NDC80: variants seen among roughly 807,000 people sequenced by gnomAD.
NDC80 encodes the protein kinetochore protein NDC80 homolog.
NDC80 carries 69 observed loss-of-function variants against 89.3 expected under a neutral mutation model. The observed-to-expected ratio is 0.77, with a 90% CI of 0.64 to 0.94. The LOEUF (loss-of-function observed/expected upper bound fraction) is 0.94, where lower values mean the gene tolerates loss of function less well. NDC80 is among the 40% of genes least tolerant of loss of function. The pLI, the probability that NDC80 is intolerant of heterozygous loss-of-function variation, is 0.00. For synonymous variants in NDC80, 243 were observed against 255.6 expected (o/e 0.95, Z 0.47); for missense variants, 593 against 739.6 (o/e 0.80, Z 2.30).
intron 13 of NDC80, among the ~76,000 whole-genome samples, chr18:2,605,636 T>C (rs2143663901): frequency 6.6e-6 from 1 of 152,296 alleles, no homozygotes; most frequent in Middle Eastern, 3.4e-3. Context: ...GTCACTACCC[T>C]GTGTTTTGTA....
chr18:2,607,998 T>TATATATA (rs771183596), intron 14 of NDC80, among the ~76,000 whole-genome samples: 2 of 126,932 alleles, frequency 1.6e-5, no homozygotes, highest in Non-Finnish European at 3.4e-5. Context: ...TATATATATA[T>TATATATA]AACTTATTTA....
intron 13 of NDC80, among the ~76,000 whole-genome samples, chr18:2,602,292 A>G (rs2072687766): frequency 6.6e-6 from 1 of 152,180 alleles, no homozygotes; most frequent in African/African-American, 2.4e-5. Context: ...CCACAGAAAG[A>G]CATTTTTCCA....
At chr18:2,583,391 C>T (rs2072588131) in intron 6 of NDC80, among the ~76,000 whole-genome samples, 1 of 152,136 alleles carries the variant, frequency 6.6e-6, no homozygotes, top group Non-Finnish European at 1.5e-5. Flanking sequence ...CCCTACATGT[C>T]TTTCAGACAT....
At chr18:2,585,763 G>A (rs1416251749) in intron 7 of NDC80, among the ~76,000 whole-genome samples, 1 of 151,908 alleles carries the variant, frequency 6.6e-6, no homozygotes, top group Non-Finnish European at 1.5e-5. Context: ...TTTTAACTAA[G>A]TAAAAAATGG....
intron 10 of NDC80, chr18:2,594,907 A>G (rs2072646737): frequency 6.6e-6 from 1 of 152,186 alleles, no homozygotes; most frequent in Non-Finnish European, 1.5e-5. Flanking sequence ...TGAGTTTCAA[A>G]TGTCATATTC....
At chr18:2,579,059 C>A in intron 6 of NDC80, 30 bp downstream of exon 6, 1 of 1,348,228 alleles carries the variant, frequency 7.4e-7, no homozygotes, top group South Asian at 1.5e-5. Flanking sequence ...GAAATGTATA[C>A]ATGGGAAAGG....
At chr18:2,606,364 A>G (rs1568010841) in intron 13 of NDC80, 51 bp from the exon 14 acceptor site, 2 of 1,230,140 alleles carry the variant, frequency 1.6e-6, no homozygotes, top group Non-Finnish European at 2.3e-6. Flanking sequence ...ACTTGTTAAA[A>G]TATCTTTGAT....
chr18:2,597,032 G>A (rs985833036), intron 11 of NDC80, among the ~76,000 whole-genome samples: 1 of 152,052 alleles, frequency 6.6e-6, no homozygotes, highest in Non-Finnish European at 1.5e-5. Context: ...GTTGTGGGGT[G>A]GGGGAGAGGG....
intron 16 of NDC80, among the ~76,000 whole-genome samples, chr18:2,611,351 C>T (rs1406463145): frequency 6.6e-6 from 1 of 152,100 alleles, no homozygotes; most frequent in Non-Finnish European, 1.5e-5. Flanking sequence ...ACCCAGCCCA[C>T]TTGTGCATTT....
At chr18:2,603,404 A>C (rs945639062) in intron 13 of NDC80, among the ~76,000 whole-genome samples, 9 of 126,976 alleles carry the variant, frequency 7.1e-5, no homozygotes, top group Admixed American at 5.4e-4. Flanking sequence ...ATATAAGCCA[A>C]AGTAGGGAAA....
intron 13 of NDC80, among the ~76,000 whole-genome samples, chr18:2,605,957 G>T (rs2072709252): frequency 6.6e-6 from 1 of 151,908 alleles, no homozygotes; most frequent in African/African-American, 2.4e-5. Context: ...CTTTTTGAAG[G>T]AATGCATGAC....
rs758558482 is a variant in NDC80 at position 2,585,117 on chromosome 18, A to G, written c.584A>G (p.His195Arg). 2 of 1,612,602 alleles carry G rather than the reference A, an allele frequency of 1.2e-6. No individual in the cohort carries two copies. Among genetic ancestry groups the G allele is most frequent in the Admixed American group, 3.3e-5 (2 of 59,988 alleles). ...LVWLIDCIKI[H>R]TAMKESSPLF... ...TCTTGCTTGTGTACTAATTAGATAC[A>G]TACTGCCATGAAAGAAAGCTCACCT... is the stretch of plus-strand genomic sequence containing the variant. The change falls in exon 7 of 17, where the codon CAT becomes CGT. Residue 195 changes from histidine (H) to arginine (R), a missense_variant. His to Arg is a conservative substitution (Grantham distance 29). Coordinates refer to ENST00000261597, the MANE Select transcript of NDC80 (RefSeq NM_006101.3).
Position 2,610,739 on chromosome 18 carries a change from C to A in NDC80, c.1689-20C>A. The A allele has an allele frequency of 6.6e-7, 1 of 1,521,038 alleles. No homozygotes were observed. 94.2% of individuals were successfully genotyped at this position (1,521,038 alleles called of 1,614,324 possible). A position where few individuals can be genotyped will look rare whatever the true frequency, so the allele number is the denominator to read the frequency against. On this transcript the variant is annotated intron_variant, in intron 15 of 16. Coordinates refer to ENST00000261597, the MANE Select transcript of NDC80 (RefSeq NM_006101.3). ...TAATTTTTTTCCTGGACAACTTAAA[C>A]AAGAGTTTTTGTTCTACAGATACCA...
chr18:2,592,895 A>G (rs765268044), intron 10 of NDC80, among the ~76,000 whole-genome samples: 1 of 152,088 alleles, frequency 6.6e-6, no homozygotes, highest in South Asian at 2.1e-4. Flanking sequence ...AATCATGTTC[A>G]ATATAGGCCA....
intron 13 of NDC80, among the ~76,000 whole-genome samples, chr18:2,602,247 A>G (rs1311482921): frequency 1.3e-5 from 2 of 152,312 alleles, no homozygotes; most frequent in South Asian, 4.1e-4. Flanking sequence ...TGGAAACAAA[A>G]CCTATGGCAT....
rs762549311 is a variant in NDC80, at chr18:2,599,179, A to G, written c.1374+8A>G. 1 of 1,593,982 alleles carries G rather than the reference A, an allele frequency of 6.3e-7. No homozygotes were observed. Among genetic ancestry groups the G allele is most frequent in the South Asian group, 1.1e-5 (1 of 87,054 alleles). Reference sequence around the variant, plus strand: ...TACAGGGCTCAAGTTTATGTAAGTAATCATGACTACTTTTAAGATTTTTTT... The same window carrying G: ...TACAGGGCTCAAGTTTATGTAAGTAGTCATGACTACTTTTAAGATTTTTTT... On this transcript the variant is annotated splice_region_variant and intron_variant, in intron 12 of 16. Transcript: ENST00000261597.
At chr18:2,588,275 G>A (rs553124714) in intron 8 of NDC80, among the ~76,000 whole-genome samples, 116 of 152,126 alleles carry the variant, frequency 7.6e-4, no homozygotes, top group African/African-American at 2.6e-3. Context: ...TTCCTCTTGG[G>A]GGATAATATC....
At chr18:2,590,390 G>T (rs1331110915) in intron 10 of NDC80, among the ~76,000 whole-genome samples, 1 of 152,180 alleles carries the variant, frequency 6.6e-6, no homozygotes, top group African/African-American at 2.4e-5. Context: ...AGTTCTAGAG[G>T]CTGTTCCAGC....
intron 10 of NDC80, 92 bp from the exon 11 acceptor site, chr18:2,595,324 A>G (rs2072649127): frequency 4.6e-6 from 3 of 647,218 alleles, no homozygotes; most frequent in Admixed American, 3.0e-5. Flanking sequence ...TATGACTTGG[A>G]AATTTAGATA....
Sources: gnomAD v4.1 joint callset for allele counts (sites outside exome capture counted in the v4.1 genomes callset) on GRCh38, gnomAD v4.1.1 for gene constraint, MANE v1.5 for transcripts, NCBI Gene and HGNC (gene_info 2026-07-23, HGNC 2026-07-21) for gene names.